The following KCTD16 variants were observed in gnomAD, a reference collection of about 807,000 sequenced individuals.
The protein encoded by KCTD16 is BTB/POZ domain-containing protein KCTD16.
Under a neutral mutation model 33.2 loss-of-function variants are expected in KCTD16, and 13 were observed. The observed-to-expected ratio is 0.39, with a 90% CI of 0.25 to 0.62. The LOEUF is 0.62. Ranked by LOEUF, KCTD16 falls within the 20% of genes least tolerant of loss-of-function variation. KCTD16 has a pLI of 0.50. For missense variants in KCTD16, 441 were observed against 525.1 expected (o/e 0.84, Z 1.57); for synonymous variants, 197 against 195.3 (o/e 1.01, Z -0.07).
intron 3 of KCTD16, among the ~76,000 whole-genome samples, chr5:144,291,617 A>C (rs747530706): frequency 1.3e-5 from 2 of 152,204 alleles, no homozygotes; most frequent in Non-Finnish European, 2.9e-5. Flanking sequence ...CTGTTTGAAA[A>C]TAAAGGAAAC....
intron 1 of KCTD16, among the ~76,000 whole-genome samples, chr5:144,173,695 A>G (rs1244044983): frequency 6.6e-6 from 1 of 152,200 alleles, no homozygotes; most frequent in South Asian, 2.1e-4. Context: ...TGTCTCTGAA[A>G]GCAATTAACG....
At chr5:144,346,486 G>A (rs773668058) in intron 3 of KCTD16, among the ~76,000 whole-genome samples, 3 of 151,902 alleles carry the variant, frequency 2.0e-5, no homozygotes, top group Admixed American at 6.6e-5. Context: ...AGTGTACACC[G>A]AAGATTCCCT....
chr5:144,463,524 A>AT (rs1426893530), intron 3 of KCTD16, among the ~76,000 whole-genome samples: 1 of 152,184 alleles, frequency 6.6e-6, no homozygotes, highest in African/African-American at 2.4e-5. Flanking sequence ...TATTTCCAAC[A>AT]TTTTTTGATG....
chr5:144,229,234 A>G (rs1754026905), intron 3 of KCTD16, among the ~76,000 whole-genome samples: 1 of 152,198 alleles, frequency 6.6e-6, no homozygotes. Flanking sequence ...ATGATTGGCC[A>G]TTGCATTTAA....
At chr5:144,380,189 A>T (rs1012931154) in intron 3 of KCTD16, among the ~76,000 whole-genome samples, 16 of 152,170 alleles carry the variant, frequency 1.1e-4, no homozygotes, top group Non-Finnish European at 1.9e-4. Context: ...ATTTCTTTAC[A>T]CCAATAATGT....
In KCTD16 at chr5:144,212,211, T is replaced by C. The variant is rs146728300; in HGVS notation, c.832+4665T>C. On this transcript the variant is annotated intron_variant, in intron 3 of 3. Transcript: ENST00000512467. ...CAGAAGCAGCAGGCATAATTTTTCT[T>C]ATTTCTTTAAGATGCTGTGCACTGA... 2.0e-3 allele frequency among the ~76,000 whole-genome samples: 309 copies of C among 152,298 alleles called. 2 individuals are homozygous for C. The highest frequency in any genetic ancestry group is 6.8e-3 in the African/African-American group (284 of 41,578).
At chr5:144,171,064 T>C (rs1752371083) in intron 1 of KCTD16, 55 bp downstream of exon 1, 1 of 152,262 alleles carries the variant, frequency 6.6e-6, no homozygotes. Flanking sequence ...ATTTCCCTTT[T>C]GTAAGTGAAG....
At position 144,206,528 on chromosome 5, in the gene KCTD16, C is replaced by G. The variant is rs1261462836; in HGVS notation, c.-187C>G. 3.6e-6 allele frequency: 2 copies of G among 551,634 alleles called. No individual in the cohort carries two copies. The highest frequency in any genetic ancestry group is 6.4e-6 in the Non-Finnish European group (2 of 314,478). The allele number at this position is 551,634 out of a possible 1,614,324, so 34.2% of individuals were successfully genotyped here. A position where few individuals can be genotyped will look rare whatever the true frequency, so the allele number is the denominator to read the frequency against. On this transcript the variant is annotated 5_prime_UTR_variant, in exon 3 of 4. Coordinates refer to ENST00000512467, the MANE Select transcript of KCTD16 (RefSeq NM_020768.4). ...TCCAGGGTTTAAACTACTTTTTCAG[C>G]ATCACTTCACCTGTGGACTCTTATA...
At chr5:144,285,744 C>T (rs148535710) in intron 3 of KCTD16, among the ~76,000 whole-genome samples, 2,316 of 152,210 alleles carry the variant, frequency 0.015, 36 homozygotes, top group Middle Eastern at 0.034. Flanking sequence ...GTTTTGCAAA[C>T]GTAGAGCTAT....
intron 3 of KCTD16, chr5:144,439,370 T>C: frequency 1.9e-6 from 1 of 516,732 alleles, no homozygotes; most frequent in Non-Finnish European, 3.8e-6. Context: ...AATGGAGGAA[T>C]CTTGGCATTC....
At chr5:144,400,858 G>A (rs1259006733) in intron 3 of KCTD16, among the ~76,000 whole-genome samples, 1 of 152,164 alleles carries the variant, frequency 6.6e-6, no homozygotes, top group Non-Finnish European at 1.5e-5. Flanking sequence ...AGACTTGGTG[G>A]GGAAGAAGTC....
chr5:144,347,535 C>T (rs1197049195), intron 3 of KCTD16, among the ~76,000 whole-genome samples: 1 of 152,166 alleles, frequency 6.6e-6, no homozygotes, highest in African/African-American at 2.4e-5. Context: ...GCGGAAGTTG[C>T]AGTGAGCCGA....
rs1183761237 is a variant in KCTD16 at position 144,479,748 on chromosome 5, A to C, written c.*5634A>C. On this transcript the variant is annotated 3_prime_UTR_variant, in exon 4 of 4. Transcript: ENST00000512467. ...AAATGTTTCTCTTGCTTGTGAACAA[A>C]TTTTGTTGCCAATTAGGTAAAAAAT... 1.3e-5 allele frequency: 2 copies of C among 151,962 alleles called. No homozygotes were observed. Among genetic ancestry groups the C allele is most frequent in the Admixed American group, 6.6e-5 (1 of 15,222 alleles). The allele number at this position is 151,962 out of a possible 1,614,324, so 9.4% of individuals were successfully genotyped here. A position where few individuals can be genotyped will look rare whatever the true frequency, so the allele number is the denominator to read the frequency against.
intron 3 of KCTD16, among the ~76,000 whole-genome samples, chr5:144,241,703 C>T (rs1754409106): frequency 6.6e-6 from 1 of 152,062 alleles, no homozygotes; most frequent in African/African-American, 2.4e-5. Flanking sequence ...CCATATTTTG[C>T]CTATGAAGCA....
intron 3 of KCTD16, among the ~76,000 whole-genome samples, chr5:144,278,584 G>A (rs1462099699): frequency 3.6e-5 from 5 of 139,862 alleles, no homozygotes; most frequent in Non-Finnish European, 7.5e-5. Context: ...TGCAAGCTCC[G>A]CTTCCCGGAT....
At chr5:144,212,072 T>C (rs1320852909) in intron 3 of KCTD16, among the ~76,000 whole-genome samples, 4 of 152,210 alleles carry the variant, frequency 2.6e-5, no homozygotes, top group African/African-American at 7.2e-5. Flanking sequence ...GAAAGTGTTC[T>C]TAAGATTTGA....
At chr5:144,418,857 G>A (rs1054117401) in intron 3 of KCTD16, among the ~76,000 whole-genome samples, 14 of 152,106 alleles carry the variant, frequency 9.2e-5, no homozygotes, top group Non-Finnish European at 1.8e-4. Flanking sequence ...CATTACTCCA[G>A]TGTACCATGA....
At chr5:144,282,707 A>G (rs1261118697) in intron 3 of KCTD16, among the ~76,000 whole-genome samples, 1 of 152,116 alleles carries the variant, frequency 6.6e-6, no homozygotes, top group Non-Finnish European at 1.5e-5. Flanking sequence ...TTATCTGGTC[A>G]TTTTCCTCAT....
intron 3 of KCTD16, among the ~76,000 whole-genome samples, chr5:144,382,157 A>G (rs1397261974): frequency 6.6e-6 from 1 of 152,170 alleles, no homozygotes; most frequent in South Asian, 2.1e-4. Context: ...AGAAAATCAA[A>G]TACTACATAT....
Sources: allele counts gnomAD v4.1 joint callset (sites outside exome capture counted in the v4.1 genomes callset), GRCh38; gene constraint gnomAD v4.1.1; transcripts MANE v1.5; gene names NCBI Gene and HGNC (gene_info 2026-07-23, HGNC 2026-07-21).